TOMM40: variants seen among roughly 807,000 people sequenced by gnomAD.
TOMM40 encodes translocase of outer mitochondrial membrane 40.
In TOMM40, 9 loss-of-function variants were observed where a neutral mutation model predicts 38.4. That is an observed-to-expected ratio of 0.23 (90% CI 0.14 to 0.41). The LOEUF is 0.41. Ranked by LOEUF, TOMM40 falls within the 10% of genes least tolerant of loss-of-function variation. The pLI is 1.00. For synonymous variants in TOMM40, 184 were observed against 210.0 expected, an observed-to-expected ratio of 0.88 and a Z score of 1.07; for missense variants, 299 against 486.5, an observed-to-expected ratio of 0.61 and a Z score of 3.63.
chr19:44,893,499 G>A (rs1432254026), intron 3 of TOMM40, among the ~76,000 whole-genome samples: 3 of 152,192 alleles, frequency 2.0e-5, no homozygotes, highest in Non-Finnish European at 2.9e-5. Flanking sequence ...CACATTCTGT[G>A]CCCAGCCCTG....
At chr19:44,893,745 C>G in intron 3 of TOMM40, 35 bp from the exon 4 acceptor site, 1 of 1,584,002 alleles carries the variant, frequency 6.3e-7, no homozygotes. Context: ...CACAGTGCAC[C>G]ACCTCTGACC....
At chr19:44,901,410 C>T in intron 8 of TOMM40, 100 bp downstream of exon 8, 1 of 1,526,256 alleles carries the variant, frequency 6.6e-7, no homozygotes, top group East Asian at 2.4e-5. Flanking sequence ...AGTGTGCTGC[C>T]ACCCTGTGGG....
chr19:44,903,282 G>GT lies in TOMM40; in HGVS notation c.*113_*114insT. 2.8e-6 allele frequency: 3 copies of GT among 1,056,606 alleles called. No homozygotes were observed. Among genetic ancestry groups the GT allele is most frequent in the South Asian group, 1.7e-5 (1 of 58,932 alleles). The allele number at this position is 1,056,606 out of a possible 1,614,324, so 65.5% of individuals were successfully genotyped here. A position where few individuals can be genotyped will look rare whatever the true frequency, so the allele number is the denominator to read the frequency against. ...TCCCTTCCCTCCCCCCTTGGGGGTCGGGGGGGACATTGGAAAGGAGGGACC... is the reference window on the plus strand; with the variant it reads ...TCCCTTCCCTCCCCCCTTGGGGGTCGTGGGGGGACATTGGAAAGGAGGGACC... On this transcript the variant is annotated 3_prime_UTR_variant, in exon 9 of 9. Coordinates refer to ENST00000426677, the MANE Select transcript of TOMM40 (RefSeq NM_001128917.2).
At chr19:44,899,111 C>T (rs491153) in intron 5 of TOMM40, among the ~76,000 whole-genome samples, 4,947 of 141,352 alleles carry the variant, frequency 0.035, 280 homozygotes, top group African/African-American at 0.12. Flanking sequence ...CCAGCCTGGG[C>T]GACAGAGCGA....
At chr19:44,900,110 C>T (rs1273747401) in intron 5 of TOMM40, among the ~76,000 whole-genome samples, 1 of 152,154 alleles carries the variant, frequency 6.6e-6, no homozygotes, top group African/African-American at 2.4e-5. Flanking sequence ...GGTGGCAGTT[C>T]TCTTGTTCAG....
intron 5 of TOMM40, among the ~76,000 whole-genome samples, chr19:44,894,707 C>T (rs879685920): frequency 1.5e-4 from 23 of 152,062 alleles, no homozygotes; most frequent in Admixed American, 7.2e-4. Context: ...GGATGACAGG[C>T]GTGAGCCACC....
At position 44,891,748 on chromosome 19, in the gene TOMM40, G is replaced by A. The variant is rs1187295453; in HGVS notation, c.274+59G>A. The A allele has an allele frequency of 2.2e-6, 3 of 1,359,170 alleles. No individual in the cohort carries two copies. In the African/African-American group the frequency reaches 4.6e-5, roughly 21 times the overall value. 84.2% of individuals were successfully genotyped at this position (1,359,170 alleles called of 1,614,324 possible). On this transcript the variant is annotated intron_variant, in intron 1 of 8. Transcript: ENST00000426677. Reference sequence around the variant, plus strand: ...GGCCTGGATCTCGGGGGAAGGGGGAGGACACTGGGGACTCTGGGATTTGGC... The same window carrying A: ...GGCCTGGATCTCGGGGGAAGGGGGAAGACACTGGGGACTCTGGGATTTGGC...
intron 5 of TOMM40, among the ~76,000 whole-genome samples, chr19:44,894,324 C>G (rs968677515): frequency 4.0e-5 from 6 of 149,096 alleles, no homozygotes; most frequent in Non-Finnish European, 5.9e-5. Flanking sequence ...TGCCGTGGCA[C>G]GATCTTGGCT....
In TOMM40 at chr19:44,891,411, C is replaced by T. The variant is rs1234154087; in HGVS notation, c.-5C>T. The T allele has an allele frequency of 1.2e-5, 15 of 1,284,864 alleles. No individual in the cohort carries two copies. Among genetic ancestry groups the T allele is most frequent in the African/African-American group, 1.5e-5 (1 of 64,916 alleles). The allele number at this position is 1,284,864 out of a possible 1,614,324, so 79.6% of individuals were successfully genotyped here. ...GCCCTCTGACCTCTCCCCTAGCAGG[C>T]GACCATGGGGAACGTGTTGGCTGCC... On this transcript the variant is annotated 5_prime_UTR_variant, in exon 1 of 9. Transcript: ENST00000426677.
intron 5 of TOMM40, among the ~76,000 whole-genome samples, chr19:44,895,144 A>T (rs111272495): frequency 1.3e-5 from 2 of 151,714 alleles, no homozygotes; most frequent in African/African-American, 4.8e-5. Flanking sequence ...TGAGTGAATG[A>T]CTCGTGCAGG....
intron 5 of TOMM40, among the ~76,000 whole-genome samples, chr19:44,896,931 G>GT (rs1969576962): frequency 6.6e-6 from 1 of 152,208 alleles, no homozygotes; most frequent in African/African-American, 2.4e-5. Context: ...GTACATGCCT[G>GT]TAGTCCCAAC....
chr19:44,891,264 T>A lies in TOMM40; in HGVS notation c.-152T>A, dbSNP rs1969453733. 1 of 1,116,410 alleles carries A rather than the reference T, an allele frequency of 9.0e-7. No homozygotes were observed. 69.2% of individuals were successfully genotyped at this position (1,116,410 alleles called of 1,614,324 possible). Reference sequence around the variant, plus strand: ...CGGCGGCAGCGGGTTCGGTTGCGCGTGGCGCACGGGGTGGGAGCGGAGCCC... The same window carrying A: ...CGGCGGCAGCGGGTTCGGTTGCGCGAGGCGCACGGGGTGGGAGCGGAGCCC... On this transcript the variant is annotated 5_prime_UTR_variant, in exon 1 of 9. Coordinates refer to ENST00000426677, the MANE Select transcript of TOMM40 (RefSeq NM_001128917.2).
At position 44,903,045 on chromosome 19, in the gene TOMM40, A is replaced by C. The variant is rs1375926207; in HGVS notation, c.962A>C (p.Asn321Thr). The C allele has an allele frequency of 5.0e-6, 8 of 1,613,206 alleles. No individual in the cohort carries two copies. The highest frequency in any genetic ancestry group is 1.7e-5 in the Admixed American group (1 of 60,010). Residue 321 changes from asparagine (N) to threonine (T), a missense_variant, in exon 9 of 9, where the codon AAC (asparagine) becomes ACC (threonine). Transcript: ENST00000426677. ...TTCCCTGCAGGCTCTGTGGATAGCA[A>C]CTGGATCGTGGGTGCCACGCTGGAG... ...NLLFKGSVDS[N>T]WIVGATLEKK...
In TOMM40 at chr19:44,891,280, A is replaced by G. The variant is rs2122733551; in HGVS notation, c.-136A>G. 1 of 1,160,316 alleles carries G rather than the reference A, an allele frequency of 8.6e-7. No homozygotes were observed. The highest frequency in any genetic ancestry group is 1.6e-5 in the African/African-American group (1 of 62,152). The allele number at this position is 1,160,316 out of a possible 1,614,324, so 71.9% of individuals were successfully genotyped here. On this transcript the variant is annotated 5_prime_UTR_variant, in exon 1 of 9. Transcript: ENST00000426677. ...GGTTGCGCGTGGCGCACGGGGTGGG[A>G]GCGGAGCCCAGGCCGGGAGCAGGCG...
chr19:44,893,734 G>T (rs755288421), intron 3 of TOMM40, 46 bp from the exon 4 acceptor site: 1 of 1,547,002 alleles, frequency 6.5e-7, no homozygotes, highest in Non-Finnish European at 8.9e-7. Context: ...TCACATACTT[G>T]CACAGTGCAC....
rs1446039776 is a variant in TOMM40 at position 44,891,570 on chromosome 19, G to C, written c.155G>C (p.Arg52Pro). ...GSLGAGTSTS[R>P]SSERTPGAAT... The stretch of plus-strand genomic sequence containing the variant: ...CTGGGCGCCGGCACCAGTACGAGTC[G>C]AAGTTCGGAACGGACCCCCGGGGCT... Residue 52 changes from arginine (R) to proline (P), a missense_variant, in exon 1 of 9, where the codon CGA (arginine) becomes CCA (proline). Transcript: ENST00000426677. The C allele has an allele frequency of 9.0e-6, 13 of 1,443,722 alleles. No individual in the cohort carries two copies. In the African/African-American group the frequency reaches 1.3e-4, roughly 15 times the overall value. The allele number at this position is 1,443,722 out of a possible 1,614,324, so 89.4% of individuals were successfully genotyped here. A position where few individuals can be genotyped will look rare whatever the true frequency, so the allele number is the denominator to read the frequency against.
rs1568612244 is a variant in TOMM40 at position 44,903,184 on chromosome 19, C to T, written c.*15C>T. ...CCATCGGCTGAGCCCTCCTGGCCCC[C>T]GCCTTCCACGCCCTTCCGATTCCAC... On this transcript the variant is annotated 3_prime_UTR_variant, in exon 9 of 9. Transcript: ENST00000426677. 4 of 1,595,636 alleles carry T rather than the reference C, an allele frequency of 2.5e-6. No individual in the cohort carries two copies. The highest frequency in any genetic ancestry group is 3.4e-5 in the Admixed American group (2 of 57,972).
chr19:44,895,918 G>T (rs1321060897), intron 5 of TOMM40, among the ~76,000 whole-genome samples: 1 of 152,146 alleles, frequency 6.6e-6, no homozygotes, highest in East Asian at 1.9e-4. Flanking sequence ...CGCACACTCT[G>T]TCCCTGCTGC....
At chr19:44,892,690 C>T (rs972765944) in intron 2 of TOMM40, 147 bp from the exon 3 acceptor site, 12 of 778,384 alleles carry the variant, frequency 1.5e-5, no homozygotes, top group African/African-American at 3.4e-5. Flanking sequence ...TGTGGGCCTA[C>T]CGGCAGCACC....
Sources: allele counts gnomAD v4.1 joint callset (sites outside exome capture counted in the v4.1 genomes callset), GRCh38; gene constraint gnomAD v4.1.1; transcripts MANE v1.5; gene names NCBI Gene and HGNC (gene_info 2026-07-23, HGNC 2026-07-21).